The following KSR2 variants were observed in gnomAD, a reference collection of about 807,000 sequenced individuals.
The protein encoded by KSR2 is kinase suppressor of ras 2.
A neutral mutation model predicts 107.8 loss-of-function variants in KSR2; 25 were observed. The observed-to-expected ratio is 0.23, with a 90% CI of 0.17 to 0.32. The LOEUF (loss-of-function observed/expected upper bound fraction) is 0.32. Among genes scored for constraint, KSR2 ranks in the 10% least tolerant of loss-of-function variants. The pLI is 1.00. For missense variants in KSR2, 887 were observed against 1,268.9 expected (o/e 0.70, Z 4.57); for synonymous variants, 480 against 507.0 (o/e 0.95, Z 0.71).
chr12:117,954,317 A>T (rs761834939), intron 1 of KSR2, among the ~76,000 whole-genome samples: 1 of 152,168 alleles, frequency 6.6e-6, no homozygotes, highest in Non-Finnish European at 1.5e-5. Flanking sequence ...TGCAAGCTTA[A>T]GACAAGTCTA....
intron 1 of KSR2, among the ~76,000 whole-genome samples, chr12:117,935,897 G>A (rs554102201): frequency 6.6e-6 from 1 of 152,278 alleles, no homozygotes; most frequent in Non-Finnish European, 1.5e-5. Context: ...TTTCCCCCCA[G>A]AGGTCCCCGG....
At chr12:117,468,949 C>T (rs559647682) in intron 19 of KSR2, among the ~76,000 whole-genome samples, 2 of 152,244 alleles carry the variant, frequency 1.3e-5, no homozygotes, top group South Asian at 4.1e-4. Context: ...TGTGAGTGTG[C>T]CAACCATGAA....
rs185028537 is a variant in KSR2, at chr12:117,496,989, A to G, written c.2220-11298T>C. Among the ~76,000 whole-genome samples, 677 of 151,494 alleles carry G rather than the reference A, an allele frequency of 4.5e-3. 3 individuals carry two copies. Among genetic ancestry groups the G allele is most frequent in the African/African-American group, 0.016 (654 of 41,342 alleles). ...CCTCAGCCTCCCAAGTAGCTTGTAC[A>G]TGGTGGTACACACCTGTACATGGTG... On this transcript the variant is annotated intron_variant, in intron 14 of 19. Coordinates refer to ENST00000339824, the MANE Select transcript of KSR2 (RefSeq NM_173598.6).
chr12:117,727,132 T>C (rs1378427678), intron 4 of KSR2, among the ~76,000 whole-genome samples: 1 of 151,930 alleles, frequency 6.6e-6, no homozygotes, highest in African/African-American at 2.4e-5. Flanking sequence ...TCCCAGCACT[T>C]TGAGACACCA....
chr12:117,568,054 T>C (rs1181252436), intron 7 of KSR2, among the ~76,000 whole-genome samples: 13 of 152,188 alleles, frequency 8.5e-5, no homozygotes, highest in East Asian at 3.9e-4. Context: ...GTAGGAAGTA[T>C]TGACATATAA....
At chr12:117,591,542 A>G (rs1880317499) in intron 5 of KSR2, among the ~76,000 whole-genome samples, 1 of 152,114 alleles carries the variant, frequency 6.6e-6, no homozygotes, top group South Asian at 2.1e-4. Flanking sequence ...TGATATTGGT[A>G]GGACCAGTGA....
chr12:117,634,999 C>A (rs373079598), intron 5 of KSR2, among the ~76,000 whole-genome samples: 1 of 152,252 alleles, frequency 6.6e-6, no homozygotes, highest in Admixed American at 6.5e-5. Context: ...CATACAAGAC[C>A]TGCCCAAGGT....
chr12:117,911,627 T>C (rs1243911775), intron 1 of KSR2, among the ~76,000 whole-genome samples: 1 of 152,158 alleles, frequency 6.6e-6, no homozygotes, highest in East Asian at 1.9e-4. Flanking sequence ...GGACTTCTTG[T>C]CCTACTTTAT....
chr12:117,813,317 G>A (rs1210309058), intron 3 of KSR2, among the ~76,000 whole-genome samples: 1 of 152,080 alleles, frequency 6.6e-6, no homozygotes, highest in Non-Finnish European at 1.5e-5. Context: ...CATCTACACA[G>A]CAAAAGAATC....
At chr12:117,876,639 CACAATAAT>C (rs1460380068) in intron 1 of KSR2, among the ~76,000 whole-genome samples, 3 of 151,914 alleles carry the variant, frequency 2.0e-5, no homozygotes, top group African/African-American at 7.3e-5. Context: ...TTAACATTTA[CACAATAAT>C]ACATTATGTC....
intron 3 of KSR2, among the ~76,000 whole-genome samples, chr12:117,840,530 G>A (rs1387272764): frequency 6.6e-6 from 1 of 151,994 alleles, no homozygotes; most frequent in African/African-American, 2.4e-5. Context: ...CAAGTAACTG[G>A]GACTATTGGC....
intron 5 of KSR2, among the ~76,000 whole-genome samples, chr12:117,664,054 C>G (rs1214551250): frequency 6.6e-6 from 1 of 152,244 alleles, no homozygotes; most frequent in Non-Finnish European, 1.5e-5. Context: ...GTCTTTCATT[C>G]TAGCCCTACC....
chr12:117,714,452 A>G (rs1006824936), intron 4 of KSR2, among the ~76,000 whole-genome samples: 1 of 152,174 alleles, frequency 6.6e-6, no homozygotes, highest in African/African-American at 2.4e-5. Context: ...AAGGAAGAGG[A>G]GGAGAGGAGA....
Position 117,469,740 on chromosome 12 carries a change from T to C in KSR2, c.2768A>G (p.Lys923Arg). The change falls in exon 19 of 20, where the codon AAG becomes AGG. Residue 923 changes from lysine (K) to arginine (R), a missense_variant. By Grantham distance (26) the Lys-to-Arg change is conservative. This residue lies in a region of KSR2 where 308 missense variants were observed against 506.2 expected (regional missense o/e 0.61). Transcript: ENST00000339824. ...CAGTTTCTCCAGCATGTCCATGAGC[T>C]TGGTGAAGGTAGGTCTCTCTTCTTG... ...FEQEERPTFT[K>R]LMDMLEKLPK... The C allele has an allele frequency of 6.2e-7, 1 of 1,613,902 alleles. No individual in the cohort carries two copies. The highest frequency in any genetic ancestry group is 8.5e-7 in the Non-Finnish European group (1 of 1,179,854).
chr12:117,507,128 C>A (rs977572045), intron 14 of KSR2, among the ~76,000 whole-genome samples: 4 of 152,186 alleles, frequency 2.6e-5, no homozygotes, highest in African/African-American at 9.7e-5. Flanking sequence ...TTTCTGTTTA[C>A]AAAACACTTT....
intron 3 of KSR2, among the ~76,000 whole-genome samples, chr12:117,833,628 C>A (rs544989582): frequency 2.0e-4 from 31 of 152,142 alleles, no homozygotes; most frequent in Non-Finnish European, 3.1e-4. Context: ...GCAAGCCTCC[C>A]AAGTCACTGG....
At chr12:117,484,898 C>T (rs183828475) in intron 15 of KSR2, among the ~76,000 whole-genome samples, 22 of 152,296 alleles carry the variant, frequency 1.4e-4, no homozygotes, top group East Asian at 1.4e-3. Context: ...CTAACTCTTC[C>T]GCAAGACTAG....
chr12:117,726,947 A>C (rs1472659916), intron 4 of KSR2, among the ~76,000 whole-genome samples: 3 of 152,186 alleles, frequency 2.0e-5, no homozygotes, highest in Admixed American at 1.3e-4. Flanking sequence ...ATGCAGCCCC[A>C]AAAAATGTAC....
intron 1 of KSR2, among the ~76,000 whole-genome samples, chr12:117,940,075 A>T (rs1020838156): frequency 6.6e-6 from 1 of 152,178 alleles, no homozygotes; most frequent in Non-Finnish European, 1.5e-5. Context: ...TACCAGGAAT[A>T]TAATTACCAG....
Sources: allele counts gnomAD v4.1 joint callset (sites outside exome capture counted in the v4.1 genomes callset), GRCh38; gene constraint gnomAD v4.1.1; regional missense constraint gnomAD v4.1.1; transcripts MANE v1.5; gene names NCBI Gene and HGNC (gene_info 2026-07-23, HGNC 2026-07-21).